Variants in ARMC2 observed in about 807,000 individuals in gnomAD.
ARMC2 encodes armadillo repeat containing 2.
In ARMC2, 67 loss-of-function variants were observed where a neutral mutation model predicts 90.3. That is an observed-to-expected ratio of 0.74 (90% CI 0.61 to 0.91). The LOEUF is 0.91. Among genes scored for constraint, ARMC2 ranks in the 40% least tolerant of loss-of-function variants. ARMC2 has a pLI of 0.00. For synonymous variants in ARMC2, 393 were observed against 393.0 expected (o/e 1.00, Z 0.00); for missense variants, 920 against 1,030.9 (o/e 0.89, Z 1.47).
At chr6:108,861,943 T>C (rs1005026345) in intron 3 of ARMC2, among the ~76,000 whole-genome samples, 2 of 152,226 alleles carry the variant, frequency 1.3e-5, no homozygotes, top group Admixed American at 1.3e-4. Flanking sequence ...GTACAGTTCT[T>C]GGACTGCAGA....
intron 10 of ARMC2, among the ~76,000 whole-genome samples, chr6:108,923,656 G>C (rs1774826446): frequency 1.4e-5 from 2 of 145,870 alleles, no homozygotes; most frequent in African/African-American, 5.1e-5. Context: ...TCCAGAAAAG[G>C]CCACTGGTCT....
At chr6:108,966,005 C>G (rs778895268) in intron 17 of ARMC2, among the ~76,000 whole-genome samples, 1 of 149,262 alleles carries the variant, frequency 6.7e-6, no homozygotes, top group Admixed American at 6.7e-5. Context: ...TAATTTTTTT[C>G]TTCCTGGGTT....
rs779963045 is a variant in ARMC2, at chr6:108,965,022, G to T, written c.2328G>T (p.Gln776His). 1.2e-6 allele frequency: 2 copies of T among 1,613,394 alleles called. No individual in the cohort carries two copies. Among genetic ancestry groups the T allele is most frequent in the Non-Finnish European group, 1.7e-6 (2 of 1,179,522 alleles). ...CLRDLGPTDW[Q>H]LACLVCKTLW... The stretch of plus-strand genomic sequence containing the variant: ...GAGATTTGGGTCCTACTGATTGGCA[G>T]CTGGCCTGCTTGGTTTGTAAAACTT... Residue 776 changes from glutamine (Q) to histidine (H), a missense_variant, in exon 17 of 18, where the codon CAG (glutamine) becomes CAT (histidine). By Grantham distance (24) the Gln-to-His change is conservative. Transcript: ENST00000392644.
At chr6:108,869,966 TA>T (rs1311944694) in intron 4 of ARMC2, among the ~76,000 whole-genome samples, 2 of 152,166 alleles carry the variant, frequency 1.3e-5, no homozygotes, top group East Asian at 3.9e-4. Flanking sequence ...TGACACACGA[TA>T]GGGGTAAGTA....
the ARMC2 span, chr6:108,994,444 T>C: frequency 2.5e-6 from 4 of 1,599,632 alleles, no homozygotes; most frequent in Non-Finnish European, 3.4e-6. Flanking sequence ...ATATTGACTA[T>C]ATAATGGTTG....
chr6:108,949,006 G>C (rs1366398772), intron 12 of ARMC2, among the ~76,000 whole-genome samples: 1 of 152,100 alleles, frequency 6.6e-6, no homozygotes, highest in Non-Finnish European at 1.5e-5. Flanking sequence ...AGATGGAGGT[G>C]AAACGGCAAG....
the ARMC2 span, chr6:108,993,000 G>T: frequency 1.4e-6 from 1 of 704,410 alleles, no homozygotes. Flanking sequence ...CTCTGATACT[G>T]AGTGACCAAT....
chr6:109,011,327 T>G, the ARMC2 span, among the ~76,000 whole-genome samples: 2 of 152,220 alleles, frequency 1.3e-5, no homozygotes, highest in East Asian at 3.8e-4. Flanking sequence ...CCAATTAGGA[T>G]TCCTTTTTCC....
At chr6:109,025,324 G>A in the ARMC2 span, among the ~76,000 whole-genome samples, 2 of 151,758 alleles carry the variant, frequency 1.3e-5, no homozygotes, top group Non-Finnish European at 1.5e-5. Context: ...TTAAAAGCAA[G>A]GTAAATATTT....
At chr6:108,888,865 C>T (rs1770651815) in intron 5 of ARMC2, among the ~76,000 whole-genome samples, 1 of 152,168 alleles carries the variant, frequency 6.6e-6, no homozygotes, top group Non-Finnish European at 1.5e-5. Flanking sequence ...TCCTTCTCTC[C>T]AAGTCTCCTA....
the ARMC2 span, among the ~76,000 whole-genome samples, chr6:108,997,660 A>C: frequency 6.6e-6 from 1 of 152,228 alleles, no homozygotes. Flanking sequence ...AGATTCAGTA[A>C]CTTGCCCGAA....
At chr6:108,917,178 T>C (rs1037680082) in intron 10 of ARMC2, among the ~76,000 whole-genome samples, 1 of 152,194 alleles carries the variant, frequency 6.6e-6, no homozygotes, top group African/African-American at 2.4e-5. Flanking sequence ...TCTTTAGATA[T>C]ACTGTTTTTG....
chr6:109,047,622 G>C, the ARMC2 span, among the ~76,000 whole-genome samples: 1 of 144,588 alleles, frequency 6.9e-6, no homozygotes, highest in African/African-American at 2.5e-5. Flanking sequence ...GAACGGGCCA[G>C]GATGACAATG....
At chr6:108,989,187 G>C in the ARMC2 span, among the ~76,000 whole-genome samples, 1 of 152,018 alleles carries the variant, frequency 6.6e-6, no homozygotes, top group Non-Finnish European at 1.5e-5. Context: ...ATTTTTAGTA[G>C]AGACAGGGTA....
chr6:108,900,889 T>C (rs1034127975), intron 7 of ARMC2, among the ~76,000 whole-genome samples: 1 of 152,064 alleles, frequency 6.6e-6, no homozygotes, highest in Non-Finnish European at 1.5e-5. Context: ...CTTTTTCCCC[T>C]CTAGAGTTAC....
the ARMC2 span, among the ~76,000 whole-genome samples, chr6:109,027,843 G>A: frequency 1.3e-5 from 2 of 152,034 alleles, no homozygotes; most frequent in African/African-American, 2.4e-5. Context: ...GTTTTAATGT[G>A]CTTATTGGTC....
At chr6:108,939,026 C>T (rs1776216776) in intron 12 of ARMC2, among the ~76,000 whole-genome samples, 1 of 151,952 alleles carries the variant, frequency 6.6e-6, no homozygotes, top group Non-Finnish European at 1.5e-5. Flanking sequence ...ACTATGTTGC[C>T]CAGGCTGGCC....
In ARMC2 at chr6:108,943,984, C is replaced by T. The variant is rs182976054; in HGVS notation, c.1596+6985C>T. Among the ~76,000 whole-genome samples, 342 of 152,252 alleles carry T rather than the reference C, an allele frequency of 2.2e-3. 2 individuals carry two copies. Among genetic ancestry groups the T allele is most frequent in the African/African-American group, 8.0e-3 (333 of 41,528 alleles). ...ATTCTGATTCAGGTCTGGGATGGGG[C>T]CCAAGAACCTATTTTTAAGAGACTT... On this transcript the variant is annotated intron_variant, in intron 12 of 17. Coordinates refer to ENST00000392644, the MANE Select transcript of ARMC2 (RefSeq NM_032131.6).
intron 12 of ARMC2, among the ~76,000 whole-genome samples, chr6:108,950,518 CAAG>C (rs1777106856): frequency 6.6e-6 from 1 of 152,100 alleles, no homozygotes; most frequent in Non-Finnish European, 1.5e-5. Context: ...CAAACTAACG[CAAG>C]AACAGAAAAC....
Sources: allele counts gnomAD v4.1 joint callset (sites outside exome capture counted in the v4.1 genomes callset), GRCh38; gene constraint gnomAD v4.1.1; transcripts MANE v1.5; gene names NCBI Gene and HGNC (gene_info 2026-07-23, HGNC 2026-07-21).